FBXL17: variants seen among roughly 807,000 people sequenced by gnomAD.
The protein encoded by FBXL17 is F-box/LRR-repeat protein 17.
A neutral mutation model predicts 66.2 loss-of-function variants in FBXL17; 22 were observed. That is an observed-to-expected ratio of 0.33 (90% CI 0.24 to 0.47). The LOEUF is 0.47. Ranked by LOEUF, FBXL17 falls within the 20% of genes least tolerant of loss-of-function variation. FBXL17 has a pLI of 1.00. For synonymous variants in FBXL17, 474 were observed against 400.5 expected (o/e 1.18, Z -2.19); for missense variants, 878 against 948.2 (o/e 0.93, Z 0.97).
chr5:108,158,541 A>G (rs1752087198), intron 6 of FBXL17, among the ~76,000 whole-genome samples: 1 of 149,874 alleles, frequency 6.7e-6, no homozygotes, highest in Admixed American at 6.7e-5. Flanking sequence ...GTGCATCCAC[A>G]TTTGCACATG....
At chr5:107,959,215 A>C (rs1465820800) in intron 7 of FBXL17, among the ~76,000 whole-genome samples, 1 of 152,136 alleles carries the variant, frequency 6.6e-6, no homozygotes, top group Non-Finnish European at 1.5e-5. Flanking sequence ...TGAAATTATC[A>C]GTCACAGAGC....
chr5:108,223,018 C>T (rs1754939570), intron 5 of FBXL17, among the ~76,000 whole-genome samples: 1 of 152,108 alleles, frequency 6.6e-6, no homozygotes, highest in Non-Finnish European at 1.5e-5. Context: ...TTAGCATTTA[C>T]TGTGGTCTCT....
At chr5:108,122,771 C>A (rs956453243) in intron 6 of FBXL17, among the ~76,000 whole-genome samples, 1 of 152,116 alleles carries the variant, frequency 6.6e-6, no homozygotes, top group African/African-American at 2.4e-5. Flanking sequence ...AAAATGCCCA[C>A]GAGGAACTGC....
At chr5:108,103,921 C>T (rs977212622) in intron 6 of FBXL17, among the ~76,000 whole-genome samples, 6 of 152,170 alleles carry the variant, frequency 3.9e-5, no homozygotes, top group African/African-American at 7.2e-5. Context: ...TCCCCTCTAC[C>T]CGCTATCCTT....
At chr5:108,345,708 A>T (rs1747230944) in intron 4 of FBXL17, among the ~76,000 whole-genome samples, 1 of 152,006 alleles carries the variant, frequency 6.6e-6, no homozygotes. Context: ...ACATCCTTAT[A>T]GTTACATCAA....
intron 2 of FBXL17, 137 bp from the exon 3 acceptor site, chr5:108,365,132 T>C: frequency 1.6e-6 from 1 of 619,056 alleles, no homozygotes; most frequent in Non-Finnish European, 2.7e-6. Context: ...AGAGAAACCG[T>C]CTTAACATTG....
intron 7 of FBXL17, among the ~76,000 whole-genome samples, chr5:107,943,051 G>T (rs1390356076): frequency 6.6e-6 from 1 of 152,022 alleles, no homozygotes; most frequent in Non-Finnish European, 1.5e-5. Flanking sequence ...TGCCTCTCTG[G>T]GTATTTGCTT....
chr5:107,933,269 T>C (rs1750792447), intron 7 of FBXL17, among the ~76,000 whole-genome samples: 1 of 152,186 alleles, frequency 6.6e-6, no homozygotes, highest in African/African-American at 2.4e-5. Context: ...ACATCTGCAT[T>C]TGCCATTCTA....
intron 4 of FBXL17, among the ~76,000 whole-genome samples, chr5:108,224,670 C>A (rs1337481139): frequency 1.3e-5 from 2 of 152,162 alleles, no homozygotes; most frequent in Non-Finnish European, 2.9e-5. Flanking sequence ...CGACTCACTG[C>A]AACCTCCGCC....
intron 4 of FBXL17, among the ~76,000 whole-genome samples, chr5:108,319,818 C>T (rs771694456): frequency 6.6e-6 from 1 of 151,696 alleles, no homozygotes; most frequent in East Asian, 1.9e-4. Flanking sequence ...ATAATTCAGG[C>T]TAGATACCAC....
chr5:107,944,504 G>C (rs774558372), intron 7 of FBXL17, among the ~76,000 whole-genome samples: 1 of 152,024 alleles, frequency 6.6e-6, no homozygotes, highest in Non-Finnish European at 1.5e-5. Context: ...AAAGGAGTTT[G>C]AATCTTTCAA....
intron 5 of FBXL17, among the ~76,000 whole-genome samples, chr5:108,212,516 G>C (rs563091408): frequency 6.6e-6 from 1 of 152,100 alleles, no homozygotes; most frequent in South Asian, 2.1e-4. Flanking sequence ...TGGGGTCTTT[G>C]AGTCGACATG....
intron 5 of FBXL17, among the ~76,000 whole-genome samples, chr5:108,202,279 T>C (rs1025632143): frequency 6.6e-6 from 1 of 152,114 alleles, no homozygotes; most frequent in Non-Finnish European, 1.5e-5. Flanking sequence ...CTGATACCTA[T>C]TACCATTGAA....
chr5:108,264,830 G>A lies in FBXL17; in HGVS notation c.1507-40602C>T, dbSNP rs192979017. Among the ~76,000 whole-genome samples the A allele has an allele frequency of 2.6e-3, 391 of 150,726 alleles. 1 individual carries two copies. Among genetic ancestry groups the A allele is most frequent in the Middle Eastern group, 0.024 (7 of 290 alleles). On this transcript the variant is annotated intron_variant, in intron 4 of 8. Transcript: ENST00000542267. ...TCTAATTTCAGTGAAAGAATAAACC[G>A]GTCAATTACTTTCGACTTCCTTAGT... is the stretch of plus-strand genomic sequence containing the variant.
chr5:108,308,726 A>G (rs1758974180), intron 4 of FBXL17, among the ~76,000 whole-genome samples: 1 of 152,164 alleles, frequency 6.6e-6, no homozygotes, highest in African/African-American at 2.4e-5. Flanking sequence ...CCTGTAGTTG[A>G]TAAGACAACT....
rs184309338 is a variant in FBXL17, at chr5:108,031,062, T to C, written c.1746-10061A>G. 8.4e-4 allele frequency among the ~76,000 whole-genome samples: 128 copies of C among 152,220 alleles called. 2 individuals carry two copies. The Middle Eastern group carries it at 0.01, about 12-fold the overall frequency. ...GAAAAGTAAGAGCAATTCAATGACA[T>C]ATCGCACTCTGAAAAAGGTGACAAA... On this transcript the variant is annotated intron_variant, in intron 6 of 8. Transcript: ENST00000542267.
At chr5:107,987,412 T>G (rs1753058702) in intron 7 of FBXL17, among the ~76,000 whole-genome samples, 1 of 152,040 alleles carries the variant, frequency 6.6e-6, no homozygotes, top group South Asian at 2.1e-4. Flanking sequence ...GAAAATAATA[T>G]TTTTATTTTA....
At chr5:108,279,854 T>C (rs1757633285) in intron 4 of FBXL17, among the ~76,000 whole-genome samples, 1 of 151,770 alleles carries the variant, frequency 6.6e-6, no homozygotes, top group Admixed American at 6.5e-5. Context: ...AAAAAAAGAC[T>C]AGTCCAAACA....
chr5:108,323,279 A>G (rs1249228709), intron 4 of FBXL17, among the ~76,000 whole-genome samples: 1 of 151,864 alleles, frequency 6.6e-6, no homozygotes, highest in African/African-American at 2.4e-5. Context: ...AAAAAAACAT[A>G]AAAAATCAGG....
Sources: allele counts gnomAD v4.1 joint callset (sites outside exome capture counted in the v4.1 genomes callset), GRCh38; gene constraint gnomAD v4.1.1; transcripts MANE v1.5; gene names NCBI Gene and HGNC (gene_info 2026-07-23, HGNC 2026-07-21).